AFF3: variants seen among roughly 807,000 people sequenced by gnomAD.
The protein encoded by AFF3 is ALF transcription elongation factor 3, also known as AF4/FMR2 family member 3.
A neutral mutation model predicts 129.7 loss-of-function variants in AFF3; 32 were observed. That is an observed-to-expected ratio of 0.25 (90% CI 0.19 to 0.33). The LOEUF is 0.33. AFF3 is among the 10% of genes least tolerant of loss of function. AFF3 has a pLI of 1.00. For missense variants in AFF3, 1,373 were observed against 1,592.0 expected, an observed-to-expected ratio of 0.86 and a Z score of 2.34; for synonymous variants, 644 against 635.4, an observed-to-expected ratio of 1.01 and a Z score of -0.20.
chr2:99,625,733 T>C (rs1321461422), intron 13 of AFF3, among the ~76,000 whole-genome samples: 5 of 152,186 alleles, frequency 3.3e-5, no homozygotes, highest in African/African-American at 1.2e-4. Context: ...ATACAACAGT[T>C]GTAATGGAAG....
chr2:99,754,619 A>G (rs1681936720), intron 8 of AFF3, among the ~76,000 whole-genome samples: 1 of 152,260 alleles, frequency 6.6e-6, no homozygotes, highest in Non-Finnish European at 1.5e-5. Context: ...AATGAGTAAC[A>G]GTACTTTCAA....
At chr2:99,620,061 C>CT (rs1681839147) in intron 13 of AFF3, among the ~76,000 whole-genome samples, 1 of 152,146 alleles carries the variant, frequency 6.6e-6, no homozygotes, top group African/African-American at 2.4e-5. Context: ...ATGCAGAAGG[C>CT]CTGCTCCAGT....
intron 7 of AFF3, among the ~76,000 whole-genome samples, chr2:99,962,388 A>C (rs1335047070): frequency 6.6e-6 from 1 of 152,202 alleles, no homozygotes; most frequent in Non-Finnish European, 1.5e-5. Flanking sequence ...CATACCAAGA[A>C]CCAGGAAAAT....
At chr2:99,564,023 G>T (rs1456605555) in intron 20 of AFF3, among the ~76,000 whole-genome samples, 1 of 152,060 alleles carries the variant, frequency 6.6e-6, no homozygotes, top group Admixed American at 6.6e-5. Context: ...GGCTGGCATG[G>T]TTTTTTGTTT....
intron 7 of AFF3, among the ~76,000 whole-genome samples, chr2:99,860,089 C>A (rs1024923978): frequency 4.6e-5 from 7 of 152,146 alleles, no homozygotes; most frequent in African/African-American, 1.7e-4. Context: ...GCACTTTTAA[C>A]TTTTTAAACT....
At chr2:100,015,608 A>C (rs1480262517) in intron 4 of AFF3, among the ~76,000 whole-genome samples, 1 of 152,256 alleles carries the variant, frequency 6.6e-6, no homozygotes, top group Non-Finnish European at 1.5e-5. Flanking sequence ...AGCAAATGAT[A>C]AAAATTAAAA....
rs564036635 is a variant in AFF3 at position 100,135,236 on chromosome 2, G to T, written c.-227-5930C>A. 3.3e-3 allele frequency among the ~76,000 whole-genome samples: 500 copies of T among 152,302 alleles called. 6 individuals carry two copies. The highest frequency in any genetic ancestry group is 0.011 in the African/African-American group (477 of 41,568). The stretch of plus-strand genomic sequence containing the variant: ...ATTGTATTTCCCAAAGATGGCCACA[G>T]CAGTGTGTGTGAGATCTTTTGCAAT... On this transcript the variant is annotated intron_variant, in intron 1 of 24. Coordinates refer to ENST00000672756, the MANE Select transcript of AFF3 (RefSeq NM_001386135.1).
intron 8 of AFF3, among the ~76,000 whole-genome samples, chr2:99,758,457 G>A (rs911563451): frequency 6.6e-6 from 1 of 151,862 alleles, no homozygotes; most frequent in Non-Finnish European, 1.5e-5. Flanking sequence ...GTGATGGCGC[G>A]CGCCTGTAAT....
chr2:99,962,850 AAATAATAATAATAATAAT>A (rs70940192), intron 7 of AFF3, among the ~76,000 whole-genome samples: 5 of 142,082 alleles, frequency 3.5e-5, no homozygotes, highest in Admixed American at 7.1e-5. Flanking sequence ...AAGAGTATTC[AAATAATAATAATAATAAT>A]AATAATAATA....
chr2:99,865,646 C>T (rs1217973196), intron 7 of AFF3, among the ~76,000 whole-genome samples: 1 of 152,030 alleles, frequency 6.6e-6, no homozygotes, highest in Non-Finnish European at 1.5e-5. Context: ...TAGTTGGGAG[C>T]CATCAAAGAA....
At chr2:99,982,280 A>T (rs894712260) in intron 7 of AFF3, among the ~76,000 whole-genome samples, 1 of 152,158 alleles carries the variant, frequency 6.6e-6, no homozygotes, top group South Asian at 2.1e-4. Flanking sequence ...TTCTCGTGAT[A>T]GTGCATGGGT....
intron 4 of AFF3, among the ~76,000 whole-genome samples, chr2:100,060,599 T>A (rs930049205): frequency 2.6e-5 from 4 of 152,158 alleles, no homozygotes; most frequent in Non-Finnish European, 2.9e-5. Context: ...TTTAAAAATA[T>A]TTAAAAATTC....
At chr2:99,945,450 C>T (rs1675465220) in intron 7 of AFF3, among the ~76,000 whole-genome samples, 1 of 152,212 alleles carries the variant, frequency 6.6e-6, no homozygotes, top group Non-Finnish European at 1.5e-5. Flanking sequence ...TGAGGGCAGA[C>T]TGCCCACCCA....
At chr2:99,703,180 G>A (rs759443961) in intron 11 of AFF3, among the ~76,000 whole-genome samples, 4 of 152,172 alleles carry the variant, frequency 2.6e-5, no homozygotes, top group Non-Finnish European at 4.4e-5. Context: ...GCCTCTAGGA[G>A]AGAATCCATT....
chr2:100,108,066 C>A (rs1379206587), intron 2 of AFF3, among the ~76,000 whole-genome samples: 1 of 152,178 alleles, frequency 6.6e-6, no homozygotes, highest in African/African-American at 2.4e-5. Context: ...CCTACAGCAT[C>A]TCCTCCAGCT....
At chr2:99,860,527 C>T (rs1240287345) in intron 7 of AFF3, among the ~76,000 whole-genome samples, 1 of 150,122 alleles carries the variant, frequency 6.7e-6, no homozygotes, top group South Asian at 2.1e-4. Context: ...GCACTCCAGC[C>T]AGGGCGACAG....
chr2:99,823,750 A>C (rs558947559), intron 8 of AFF3, among the ~76,000 whole-genome samples: 1 of 152,238 alleles, frequency 6.6e-6, no homozygotes, highest in African/African-American at 2.4e-5. Context: ...GCACGTGTAC[A>C]CCATGGAATA....
intron 11 of AFF3, among the ~76,000 whole-genome samples, chr2:99,705,133 T>G (rs943298487): frequency 6.6e-6 from 1 of 152,016 alleles, no homozygotes; most frequent in Non-Finnish European, 1.5e-5. Flanking sequence ...GTCAAGGAAG[T>G]TAAAGACTGG....
chr2:100,106,087 CA>C, intron 2 of AFF3: 1 of 1,294,240 alleles, frequency 7.7e-7, no homozygotes, highest in Non-Finnish European at 1.0e-6. Flanking sequence ...GGTAGAAGAC[CA>C]AAAGGCCAAT....
Sources: allele counts gnomAD v4.1 joint callset (sites outside exome capture counted in the v4.1 genomes callset), GRCh38; gene constraint gnomAD v4.1.1; transcripts MANE v1.5; gene names NCBI Gene and HGNC (gene_info 2026-07-23, HGNC 2026-07-21).